Variants in CEP72 observed in about 807,000 individuals in gnomAD.
The protein encoded by CEP72 is centrosomal protein 72, also known as centrosomal protein of 72 kDa.
CEP72 carries 78 observed loss-of-function variants against 65.7 expected under a neutral mutation model. The ratio of observed to expected loss-of-function variants is 1.19; its 90% CI spans 0.99 to 1.43. The LOEUF (loss-of-function observed/expected upper bound fraction) is 1.43, where lower values mean the gene tolerates loss of function less well. CEP72 is among the 40% of genes most tolerant of loss of function. CEP72 has a pLI of 0.00. For missense variants in CEP72, 914 were observed against 832.9 expected (o/e 1.10, Z -1.20); for synonymous variants, 358 against 351.7 (o/e 1.02, Z -0.20).
chr5:644,081 T>A, intron 9 of CEP72: 2 of 531,424 alleles, frequency 3.8e-6, no homozygotes, highest in Non-Finnish European at 6.7e-6. Context: ...TTTCCATCCC[T>A]CTCCTCACTT....
At chr5:665,123 C>G in intron 2 of CEP72, 1 of 1,611,914 alleles carries the variant, frequency 6.2e-7, no homozygotes, top group Non-Finnish European at 8.5e-7. Context: ...CTTGCACCTT[C>G]TGGTCGTAGG....
chr5:643,612 T>C, intron 9 of CEP72: 5 of 985,288 alleles, frequency 5.1e-6, no homozygotes, highest in Non-Finnish European at 6.0e-6. Flanking sequence ...AGCTGGGGCC[T>C]GCTCAGCACC....
Position 635,519 on chromosome 5 carries a change from T to G in CEP72, c.839T>G (p.Leu280Arg). Residue 280 changes from leucine (L) to arginine (R), a missense_variant, in exon 6 of 12, where the codon CTG becomes CGG. By Grantham distance (102) the Leu-to-Arg change is moderately radical. Transcript: ENST00000264935. ...CAGCTCTGTGGAGAGCTTCCGCCAC[T>G]GTACGGAGCGGAGCCAGAGGCCTCC... ...WSQLCGELPPLYGAEPEASRA... is the reference protein window; with the variant it reads ...WSQLCGELPPRYGAEPEASRA... The G allele has an allele frequency of 1.2e-6, 2 of 1,614,098 alleles. No individual in the cohort carries two copies. Among genetic ancestry groups the G allele is most frequent in the Non-Finnish European group, 1.7e-6 (2 of 1,180,004 alleles).
intron 9 of CEP72, chr5:643,793 TCCC>T (rs1738223951): frequency 6.4e-6 from 2 of 313,442 alleles, no homozygotes; most frequent in Non-Finnish European, 9.3e-6. Flanking sequence ...CGTGGCCCTT[TCCC>T]CTCCTCGATG....
chr5:671,745 G>T (rs1465264653), downstream of CEP72, among the ~76,000 whole-genome samples: 4 of 152,208 alleles, frequency 2.6e-5, no homozygotes, highest in East Asian at 7.7e-4. Context: ...CGTTCATCCT[G>T]CCCTGCCAGG....
At chr5:665,457 C>T in intron 3 of CEP72, 2 of 703,096 alleles carry the variant, frequency 2.8e-6, no homozygotes, top group Non-Finnish European at 4.6e-6. Flanking sequence ...TTTTACCTCT[C>T]CTGACCCTGG....
intron 8 of CEP72, among the ~76,000 whole-genome samples, 193 bp from the exon 9 acceptor site, chr5:640,215 A>C (rs1737914239): frequency 6.6e-6 from 1 of 151,868 alleles, no homozygotes; most frequent in African/African-American, 2.4e-5. Flanking sequence ...CTCTTTCTTC[A>C]GTTCCCACCC....
chr5:620,857 G>A lies in CEP72; in HGVS notation c.403+596G>A, dbSNP rs113164197. ...GGAGGGTCCCTGGGTTGGGGCAGCC[G>A]CAGGTCACCTTCCCATCTGCCTCCT... is the stretch of plus-strand genomic sequence containing the variant. On this transcript the variant is annotated intron_variant, in intron 3 of 11. Coordinates refer to ENST00000264935, the MANE Select transcript of CEP72 (RefSeq NM_018140.4). Among the ~76,000 whole-genome samples, 409 of 152,318 alleles carry A rather than the reference G, an allele frequency of 2.7e-3. 2 individuals carry two copies. Among genetic ancestry groups the A allele is most frequent in the African/African-American group, 9.4e-3 (392 of 41,572 alleles).
downstream of CEP72, among the ~76,000 whole-genome samples, chr5:670,474 C>A (rs1740179806): frequency 1.3e-5 from 2 of 152,072 alleles, no homozygotes; most frequent in African/African-American, 4.8e-5. Flanking sequence ...GGCTGCGGCT[C>A]CCCCAGGGCA....
At chr5:617,879 A>T (rs1369322980) in intron 1 of CEP72, among the ~76,000 whole-genome samples, 1 of 152,242 alleles carries the variant, frequency 6.6e-6, no homozygotes, top group African/African-American at 2.4e-5. Context: ...CAAAAACAAA[A>T]AAACCAAAAC....
intron 6 of CEP72, among the ~76,000 whole-genome samples, chr5:636,048 G>T (rs928364963): frequency 6.6e-6 from 1 of 151,906 alleles, no homozygotes; most frequent in Non-Finnish European, 1.5e-5. Context: ...AAGGCCCTCC[G>T]CTTAATACTG....
chr5:625,172 T>C (rs943748594), intron 4 of CEP72, among the ~76,000 whole-genome samples: 1 of 152,216 alleles, frequency 6.6e-6, no homozygotes, highest in African/African-American at 2.4e-5. Context: ...CGGTTGATAG[T>C]ATCTGCGTGT....
the CEP72 span, among the ~76,000 whole-genome samples, chr5:672,471 G>T: frequency 7.2e-5 from 11 of 152,272 alleles, no homozygotes; most frequent in African/African-American, 2.7e-4. Context: ...CTCCCAGCCA[G>T]CTGAGACCGC....
At chr5:649,086 G>C (rs62639483) in intron 11 of CEP72, among the ~76,000 whole-genome samples, 44 of 148,076 alleles carry the variant, frequency 3.0e-4, no homozygotes, top group Middle Eastern at 3.7e-3. Context: ...GTGTGACTGT[G>C]AGGTGTGACT....
intron 5 of CEP72, 110 bp downstream of exon 5, chr5:634,057 A>G (rs973366024): frequency 1.4e-5 from 13 of 946,288 alleles, no homozygotes; most frequent in Non-Finnish European, 2.0e-5. Flanking sequence ...CTTACCTTGA[A>G]GGATAGGATC....
intron 6 of CEP72, 73 bp downstream of exon 6, chr5:635,657 C>A (rs1333469950): frequency 3.7e-5 from 46 of 1,253,242 alleles, no homozygotes; most frequent in Non-Finnish European, 5.2e-5. Flanking sequence ...TTATAAAGAA[C>A]AGAAGCTTAT....
chr5:656,205 A>G (rs1739373216), downstream of CEP72, among the ~76,000 whole-genome samples: 1 of 152,080 alleles, frequency 6.6e-6, no homozygotes, highest in Non-Finnish European at 1.5e-5. Context: ...CCGTTTCTGC[A>G]TCTCCTTGTC....
rs545453274 is a variant in CEP72, at chr5:619,133, C to G, written c.210+16C>G. 4 of 1,604,320 alleles carry G rather than the reference C, an allele frequency of 2.5e-6. No individual in the cohort carries two copies. The highest frequency in any genetic ancestry group is 3.4e-5 in the Admixed American group (2 of 58,980). On this transcript the variant is annotated intron_variant, in intron 2 of 11. Transcript: ENST00000264935. ...TAGTCTGGAGGTAAGTTTTAGGTCTCTTTCTTAAAATTTATTGCTATCAAC... is the reference window on the plus strand; with the variant it reads ...TAGTCTGGAGGTAAGTTTTAGGTCTGTTTCTTAAAATTTATTGCTATCAAC...
At chr5:674,357 C>T in the CEP72 span, among the ~76,000 whole-genome samples, 2 of 152,186 alleles carry the variant, frequency 1.3e-5, no homozygotes, top group Admixed American at 1.3e-4. Flanking sequence ...CTGGGGGGCA[C>T]AGGGGCCCTG....
Sources: allele counts gnomAD v4.1 joint callset (sites outside exome capture counted in the v4.1 genomes callset), GRCh38; gene constraint gnomAD v4.1.1; transcripts MANE v1.5; gene names NCBI Gene and HGNC (gene_info 2026-07-23, HGNC 2026-07-21).